The following FAM25C variants were observed in gnomAD, a reference collection of about 807,000 sequenced individuals.
FAM25C encodes the protein protein FAM25C.
In FAM25C, 4 loss-of-function variants were observed where a neutral mutation model predicts 9.6. That is an observed-to-expected ratio of 0.42 (90% CI 0.20 to 0.95). The LOEUF is 0.95. Among genes scored for constraint, FAM25C ranks in the 40% least tolerant of loss-of-function variants. The pLI is 0.31. For missense variants in FAM25C, 38 were observed against 110.4 expected, an observed-to-expected ratio of 0.34 and a Z score of 2.94; for synonymous variants, 23 against 44.1, an observed-to-expected ratio of 0.52 and a Z score of 1.89.
chr10:47,997,542 C>T lies in FAM25C; in HGVS notation c.136+135G>A. ...GGCCTCTGATGAGCATAGATAACTGCCCCAGCCAAGAGGCTCTGAAAGGCT... is the reference window on the plus strand; with the variant it reads ...GGCCTCTGATGAGCATAGATAACTGTCCCAGCCAAGAGGCTCTGAAAGGCT... On this transcript the variant is annotated intron_variant, in intron 2 of 2. Transcript: ENST00000617224. The T allele has an allele frequency of 3.8e-6, 3 of 794,594 alleles. No individual in the cohort carries two copies. The South Asian group carries it at 4.5e-5, about 12-fold the overall frequency. 49.2% of individuals were successfully genotyped at this position (794,594 alleles called of 1,614,324 possible). A position where few individuals can be genotyped will look rare whatever the true frequency, so the allele number is the denominator to read the frequency against.
At position 47,997,771 on chromosome 10, in the gene FAM25C, C is replaced by T. The variant is rs1842824199; in HGVS notation, c.74-32G>A. On this transcript the variant is annotated intron_variant, in intron 1 of 2. Coordinates refer to ENST00000617224, the MANE Select transcript of FAM25C (RefSeq NM_001137548.3). Reference sequence around the variant, plus strand: ...AGAGGAGACAAGTCCAGGGTGAGGGCTCAGAGCAGGCCGGCTGCCCCTGAG... The same window carrying T: ...AGAGGAGACAAGTCCAGGGTGAGGGTTCAGAGCAGGCCGGCTGCCCCTGAG... 5.2e-6 allele frequency: 8 copies of T among 1,532,292 alleles called. No individual in the cohort carries two copies. The East Asian group carries it at 1.7e-4, about 33-fold the overall frequency. The allele number at this position is 1,532,292 out of a possible 1,614,324, so 94.9% of individuals were successfully genotyped here.
intron 2 of FAM25C, among the ~76,000 whole-genome samples, chr10:47,997,140 G>A (rs1295906070): frequency 1.3e-4 from 16 of 122,910 alleles, no homozygotes; most frequent in East Asian, 2.6e-4. Flanking sequence ...ACCGAGTTTC[G>A]CTCTGTAGCC....
chr10:47,997,896 G>A (rs1555256651), intron 1 of FAM25C, among the ~76,000 whole-genome samples, 157 bp from the exon 2 acceptor site: 1 of 147,914 alleles, frequency 6.8e-6, no homozygotes, highest in Non-Finnish European at 1.5e-5. Flanking sequence ...AGGGCTCAGG[G>A]CTGGCTTATC....
intron 2 of FAM25C, among the ~76,000 whole-genome samples, chr10:47,996,919 C>A (rs1277442011): frequency 1.5e-5 from 2 of 135,656 alleles, no homozygotes; most frequent in Non-Finnish European, 3.1e-5. Flanking sequence ...GCAAGCTCCA[C>A]CTTCCAGGTT....
chr10:47,997,858 A>C (rs1408173760), intron 1 of FAM25C, 119 bp from the exon 2 acceptor site: 2 of 664,576 alleles, frequency 3.0e-6, no homozygotes, highest in Non-Finnish European at 5.4e-6. Context: ...GGCTCAGAGC[A>C]GGCCCACTGC....
At chr10:47,995,880 GTT>G (rs199693218) in intron 2 of FAM25C, among the ~76,000 whole-genome samples, 12 of 128,714 alleles carry the variant, frequency 9.3e-5, no homozygotes, top group Admixed American at 2.4e-4. Flanking sequence ...TGGTTATAGT[GTT>G]TTTTTTTTTT....
In FAM25C at chr10:47,997,981, G is replaced by A. The variant is rs1446467665; in HGVS notation, c.74-242C>T. On this transcript the variant is annotated intron_variant, in intron 1 of 2. Coordinates refer to ENST00000617224, the MANE Select transcript of FAM25C (RefSeq NM_001137548.3). ...TGCCACCCCCAGCCAGGACAGACTG[G>A]CTCATGAGAAGGACCTTCCCCCACA... Among the ~76,000 whole-genome samples the A allele has an allele frequency of 8.7e-5, 13 of 149,754 alleles. 1 individual carries two copies. The highest frequency in any genetic ancestry group is 5.9e-4 in the East Asian group (3 of 5,098).
chr10:47,998,638 A>G (rs1407612404), intron 1 of FAM25C, among the ~76,000 whole-genome samples: 2 of 116,874 alleles, frequency 1.7e-5, no homozygotes, highest in African/African-American at 3.0e-5. Flanking sequence ...ACAGTGTATC[A>G]AGTGAATGAG....
intron 2 of FAM25C, among the ~76,000 whole-genome samples, chr10:47,996,910 C>T (rs1264903815): frequency 1.6e-5 from 2 of 128,104 alleles, no homozygotes; most frequent in Non-Finnish European, 3.2e-5. Context: ...CGGCTCACTG[C>T]AAGCTCCACC....
At chr10:47,996,822 T>A (rs1446852432) in intron 2 of FAM25C, among the ~76,000 whole-genome samples, 1 of 91,292 alleles carries the variant, frequency 1.1e-5, no homozygotes, top group Non-Finnish European at 2.1e-5. Context: ...ACATGTTAAT[T>A]TTTTTTTTTT....
intron 2 of FAM25C, among the ~76,000 whole-genome samples, chr10:47,996,854 CAG>C (rs1489013707): frequency 0.013 from 1,127 of 88,184 alleles, 43 homozygotes; most frequent in African/African-American, 0.054. Flanking sequence ...TTTTTTGAGA[CAG>C]AGTATCACAG....
intron 2 of FAM25C, 83 bp downstream of exon 2, chr10:47,997,594 G>C: frequency 1.2e-6 from 1 of 804,344 alleles, no homozygotes; most frequent in Non-Finnish European, 2.1e-6. Flanking sequence ...AGTTTGACCT[G>C]GTTAGTCAAA....
chr10:47,998,764 G>C (rs3013913), intron 1 of FAM25C, among the ~76,000 whole-genome samples: 1 of 141,420 alleles, frequency 7.1e-6, no homozygotes, highest in African/African-American at 2.7e-5. Flanking sequence ...AGGAATCATA[G>C]AAAACTCAGA....
chr10:47,995,412 T>C lies in FAM25C; in HGVS notation c.236A>G (p.His79Arg), dbSNP rs1193767766. The change falls in exon 3 of 3, where the codon CAT (histidine) becomes CGT (arginine). Residue 79 changes from histidine to arginine, a missense_variant. His to Arg is a conservative substitution (Grantham distance 29). Transcript: ENST00000617224. ...AAGTTTGTCCAGACTTTCTGCTGCA[T>C]GGGTGATGGCATTTGTGACTGTGTT... is the stretch of plus-strand genomic sequence containing the variant. ...VTNTVTNAIT[H>R]AAESLDKLGQ 20 of 1,520,764 alleles carry C rather than the reference T, an allele frequency of 1.3e-5. No individual in the cohort carries two copies. In the African/African-American group the frequency reaches 2.5e-4, roughly 19 times the overall value. 94.2% of individuals were successfully genotyped at this position (1,520,764 alleles called of 1,614,324 possible).
At chr10:47,995,578 C>A (rs534894687) in intron 2 of FAM25C, 67 bp from the exon 3 acceptor site, 3 of 1,502,844 alleles carry the variant, frequency 2.0e-6, no homozygotes, top group South Asian at 1.2e-5. Flanking sequence ...CCTTGAGTGG[C>A]CTGTGGGATG....
intron 2 of FAM25C, among the ~76,000 whole-genome samples, chr10:47,996,074 C>T (rs1842796702): frequency 6.8e-6 from 1 of 147,196 alleles, no homozygotes; most frequent in African/African-American, 2.5e-5. Context: ...ATGCTGAAAT[C>T]CTCAGTCTTA....
At chr10:47,997,135 G>C (rs1555256594) in intron 2 of FAM25C, among the ~76,000 whole-genome samples, 1 of 140,034 alleles carries the variant, frequency 7.1e-6, no homozygotes, top group Non-Finnish European at 1.5e-5. Flanking sequence ...TTGAGACCGA[G>C]TTTCGCTCTG....
intron 2 of FAM25C, among the ~76,000 whole-genome samples, 175 bp downstream of exon 2, chr10:47,997,502 C>G (rs1426417736): frequency 6.6e-6 from 1 of 151,652 alleles, no homozygotes; most frequent in African/African-American, 2.4e-5. Context: ...AGTGTCCTAA[C>G]GCAGTACGGT....
rs1842793288 is a variant in FAM25C, at chr10:47,995,844, A to T, written c.137-333T>A. 2.1e-5 allele frequency among the ~76,000 whole-genome samples: 3 copies of T among 145,804 alleles called. No individual in the cohort carries two copies. In the South Asian group the frequency reaches 6.5e-4, roughly 31 times the overall value. On this transcript the variant is annotated intron_variant, in intron 2 of 2. Coordinates refer to ENST00000617224, the MANE Select transcript of FAM25C (RefSeq NM_001137548.3). ...ATCATTTTTATGACAAATATTTTTC[A>T]TCAGTGTATAATTTTTCTTTTGGCT...
Sources: allele counts gnomAD v4.1 joint callset (sites outside exome capture counted in the v4.1 genomes callset), GRCh38; gene constraint gnomAD v4.1.1; transcripts MANE v1.5; gene names NCBI Gene and HGNC (gene_info 2026-07-23, HGNC 2026-07-21).